The following MAML3 variants were observed in gnomAD, a reference collection of about 807,000 sequenced individuals.
MAML3 encodes the protein mastermind like transcriptional coactivator 3, also known as mastermind-like protein 3.
MAML3 carries 27 observed loss-of-function variants against 101.9 expected under a neutral mutation model. The ratio of observed to expected loss-of-function variants is 0.27; its 90% CI spans 0.20 to 0.37. The LOEUF is 0.37. Ranked by LOEUF, MAML3 falls within the 10% of genes least tolerant of loss-of-function variation. The pLI is 1.00. For missense variants in MAML3, 1,316 were observed against 1,444.9 expected, an observed-to-expected ratio of 0.91 and a Z score of 1.45; for synonymous variants, 501 against 555.9, an observed-to-expected ratio of 0.90 and a Z score of 1.39.
intron 3 of MAML3, among the ~76,000 whole-genome samples, chr4:139,729,137 A>G (rs1482040422): frequency 1.5e-5 from 2 of 136,292 alleles, no homozygotes; most frequent in Non-Finnish European, 3.1e-5. Context: ...ATAATTACAC[A>G]GCTGTTCAGG....
chr4:140,075,787 GTCTC>G (rs1027152778), intron 1 of MAML3, among the ~76,000 whole-genome samples: 2 of 150,802 alleles, frequency 1.3e-5, no homozygotes, highest in African/African-American at 2.4e-5. Context: ...GGGGGACAGG[GTCTC>G]TCTCTGTCGC....
At chr4:140,132,733 T>C (rs894098808) in intron 1 of MAML3, among the ~76,000 whole-genome samples, 1 of 152,240 alleles carries the variant, frequency 6.6e-6, no homozygotes, top group Non-Finnish European at 1.5e-5. Context: ...TGTTCACTGT[T>C]CTGTAATTCA....
chr4:139,775,442 G>A (rs766720914), intron 2 of MAML3, among the ~76,000 whole-genome samples: 73 of 152,146 alleles, frequency 4.8e-4, no homozygotes, highest in African/African-American at 1.5e-3. Context: ...TGGCCCTTGC[G>A]GTCTAGATTC....
In MAML3 at chr4:139,718,944, A is replaced by C. The variant is rs1432787822; in HGVS notation, c.*379T>G. On this transcript the variant is annotated 3_prime_UTR_variant, in exon 5 of 5. Transcript: ENST00000509479. The stretch of plus-strand genomic sequence containing the variant: ...AAGCTGCTGTCTCCCGACCTGGGGC[A>C]GGAGGGGCTGAGGATACCTCTCTTG... The C allele has an allele frequency of 5.4e-6, 1 of 184,334 alleles. No individual in the cohort carries two copies. Among genetic ancestry groups the C allele is most frequent in the Non-Finnish European group, 1.1e-5 (1 of 88,284 alleles). 11.4% of individuals were successfully genotyped at this position (184,334 alleles called of 1,614,324 possible).
At chr4:140,023,278 C>T (rs1726766058) in intron 1 of MAML3, among the ~76,000 whole-genome samples, 1 of 152,198 alleles carries the variant, frequency 6.6e-6, no homozygotes, top group South Asian at 2.1e-4. Flanking sequence ...AGATGGACCA[C>T]ATAATAGCTA....
intron 1 of MAML3, among the ~76,000 whole-genome samples, chr4:140,078,141 C>A (rs1727803952): frequency 6.6e-6 from 1 of 152,142 alleles, no homozygotes; most frequent in African/African-American, 2.4e-5. Context: ...CTTCTTCACT[C>A]CCTGTCCTTG....
intron 1 of MAML3, among the ~76,000 whole-genome samples, chr4:140,038,090 A>C (rs1297296730): frequency 6.6e-6 from 1 of 152,378 alleles, no homozygotes; most frequent in African/African-American, 2.4e-5. Flanking sequence ...TGATTAATAA[A>C]GATCACAGGA....
intron 1 of MAML3, among the ~76,000 whole-genome samples, chr4:139,961,277 AAG>A (rs1734009028): frequency 6.6e-6 from 1 of 152,214 alleles, no homozygotes; most frequent in African/African-American, 2.4e-5. Context: ...TTTGTTTGTT[AAG>A]AGTTTGAACT....
chr4:139,951,613 G>C lies in MAML3; in HGVS notation c.469-60646C>G, dbSNP rs1171734964. Among the ~76,000 whole-genome samples, 3 of 152,208 alleles carry C rather than the reference G, an allele frequency of 2.0e-5. No individual in the cohort carries two copies. In the East Asian group the frequency reaches 5.8e-4, roughly 29 times the overall value. On this transcript the variant is annotated intron_variant, in intron 1 of 4. Coordinates refer to ENST00000509479, the MANE Select transcript of MAML3 (RefSeq NM_018717.5). ...ACCACCTTAGGTCCCTCTCCTTGCA[G>C]CTGGCTCCTACCAAGAGGAGAGAGG...
At chr4:140,113,378 T>C (rs1728469288) in intron 1 of MAML3, among the ~76,000 whole-genome samples, 1 of 152,190 alleles carries the variant, frequency 6.6e-6, no homozygotes, top group South Asian at 2.1e-4. Context: ...TAAAGGGCTG[T>C]GCAAGGGAAG....
In MAML3 at chr4:140,153,201, C is replaced by G. The variant is rs1033888368; in HGVS notation, c.127G>C (p.Ala43Pro). The change falls in exon 1 of 5, where the codon GCT (alanine) becomes CCT (proline). Residue 43 changes from alanine (A) to proline (P), a missense_variant. Coordinates refer to ENST00000509479, the MANE Select transcript of MAML3 (RefSeq NM_018717.5). The stretch of plus-strand genomic sequence containing the variant: ...GCTGCCGGGTGATTGCTACTCGGAG[C>G]AGCGGGAGTACTATTGGGAGTATTA... The part of the protein sequence containing the change: ...VNNTPNSTPA[A>P]PSSNHPAAGG... The G allele has an allele frequency of 2.2e-5, 34 of 1,556,574 alleles. No individual in the cohort carries two copies. Among genetic ancestry groups the G allele is most frequent in the African/African-American group, 4.1e-5 (3 of 73,354 alleles).
chr4:140,124,927 C>T (rs558997506), intron 1 of MAML3, among the ~76,000 whole-genome samples: 14 of 152,178 alleles, frequency 9.2e-5, no homozygotes, highest in Non-Finnish European at 1.6e-4. Context: ...TGATAGAGGC[C>T]CTATATCCAA....
Position 139,719,199 on chromosome 4 carries a change from G to T in MAML3, c.*124C>A. On this transcript the variant is annotated 3_prime_UTR_variant, in exon 5 of 5. Coordinates refer to ENST00000509479, the MANE Select transcript of MAML3 (RefSeq NM_018717.5). Reference sequence around the variant, plus strand: ...CACCTGGATCTTCCATTGTCAGCCAGCTGCAGTTTTGCTCAGTTTACGTGG... The same window carrying T: ...CACCTGGATCTTCCATTGTCAGCCATCTGCAGTTTTGCTCAGTTTACGTGG... 1.8e-6 allele frequency: 2 copies of T among 1,105,372 alleles called. No homozygotes were observed. Among genetic ancestry groups the T allele is most frequent in the Non-Finnish European group, 2.5e-6 (2 of 799,362 alleles). The allele number at this position is 1,105,372 out of a possible 1,614,324, so 68.5% of individuals were successfully genotyped here.
chr4:140,088,254 AAAGT>A (rs985012664), intron 1 of MAML3, among the ~76,000 whole-genome samples: 4 of 152,012 alleles, frequency 2.6e-5, no homozygotes, highest in African/African-American at 4.8e-5. Flanking sequence ...GAAAGAAAGA[AAAGT>A]AAGGAAGAAA....
chr4:139,826,574 C>G (rs1731064337), intron 2 of MAML3, among the ~76,000 whole-genome samples: 1 of 152,132 alleles, frequency 6.6e-6, no homozygotes, highest in Admixed American at 6.6e-5. Context: ...TCACATGGCT[C>G]TCACATATTT....
intron 1 of MAML3, among the ~76,000 whole-genome samples, chr4:140,111,278 A>G (rs1728434644): frequency 1.3e-5 from 2 of 152,116 alleles, no homozygotes; most frequent in South Asian, 4.1e-4. Flanking sequence ...ACCTTGGGCC[A>G]CCTCCTTGTT....
chr4:139,887,398 C>T (rs1214906378), intron 2 of MAML3, among the ~76,000 whole-genome samples: 9 of 152,146 alleles, frequency 5.9e-5, no homozygotes, highest in South Asian at 2.1e-4. Flanking sequence ...CTTCGTGAGA[C>T]GAGAGAAGAG....
At chr4:140,118,477 A>C (rs1221551182) in intron 1 of MAML3, among the ~76,000 whole-genome samples, 1 of 152,188 alleles carries the variant, frequency 6.6e-6, no homozygotes, top group African/African-American at 2.4e-5. Flanking sequence ...AGGTAGCAGA[A>C]CCATAACCTT....
At chr4:139,841,459 C>G (rs1731359004) in intron 2 of MAML3, among the ~76,000 whole-genome samples, 1 of 152,228 alleles carries the variant, frequency 6.6e-6, no homozygotes, top group Admixed American at 6.5e-5. Flanking sequence ...TTTCAAGATG[C>G]AAGCGCCTTG....
Sources: gnomAD v4.1 joint callset for allele counts (sites outside exome capture counted in the v4.1 genomes callset) on GRCh38, gnomAD v4.1.1 for gene constraint, MANE v1.5 for transcripts, NCBI Gene and HGNC (gene_info 2026-07-23, HGNC 2026-07-21) for gene names.